RPS6KC1: variants seen among roughly 807,000 people sequenced by gnomAD.
RPS6KC1 encodes inactive ribosomal protein S6 kinase delta-1.
In RPS6KC1, 54 loss-of-function variants were observed where a neutral mutation model predicts 103.8. The observed-to-expected ratio is 0.52, with a 90% CI of 0.42 to 0.65. RPS6KC1 has a LOEUF of 0.65. Among genes scored for constraint, RPS6KC1 ranks in the 30% least tolerant of loss-of-function variants. The probability of loss-of-function intolerance (pLI) is 0.00; values close to 1 mark genes in which losing one functional copy is unlikely to be tolerated. For synonymous variants in RPS6KC1, 439 were observed against 438.7 expected (o/e 1.00, Z -0.01); for missense variants, 1,151 against 1,253.8 (o/e 0.92, Z 1.24).
the RPS6KC1 span, among the ~76,000 whole-genome samples, chr1:213,832,095 T>C: frequency 1.3e-5 from 2 of 152,212 alleles, no homozygotes; most frequent in Non-Finnish European, 2.9e-5. Context: ...GTCTTCTTCA[T>C]AGTCAAAAAT....
the RPS6KC1 span, among the ~76,000 whole-genome samples, chr1:213,360,126 C>G: frequency 6.6e-6 from 1 of 152,182 alleles, no homozygotes; most frequent in Admixed American, 6.5e-5. Flanking sequence ...TGGGGAAGTT[C>G]TCCTGTATAA....
chr1:213,773,549 C>G, the RPS6KC1 span, among the ~76,000 whole-genome samples: 1 of 148,250 alleles, frequency 6.7e-6, no homozygotes, highest in Admixed American at 6.8e-5. Flanking sequence ...ATATATATCT[C>G]TATATATGTT....
At chr1:213,189,083 A>C (rs373251732) in intron 8 of RPS6KC1, among the ~76,000 whole-genome samples, 2 of 152,164 alleles carry the variant, frequency 1.3e-5, no homozygotes, top group South Asian at 2.1e-4. Context: ...CATAGGTTCA[A>C]ATCAGTATAA....
chr1:213,520,424 A>G, the RPS6KC1 span, among the ~76,000 whole-genome samples: 135,874 of 152,110 alleles, frequency 0.89, 60,791 homozygotes, highest in East Asian at 0.98. Flanking sequence ...GTCTCCCACC[A>G]GGTCCCTCCC....
the RPS6KC1 span, among the ~76,000 whole-genome samples, chr1:213,766,256 A>G: frequency 6.6e-6 from 1 of 152,220 alleles, no homozygotes; most frequent in African/African-American, 2.4e-5. Context: ...TCTTAAAAAC[A>G]TGCAATTTTT....
At chr1:213,665,174 TAA>T in the RPS6KC1 span, among the ~76,000 whole-genome samples, 1 of 151,102 alleles carries the variant, frequency 6.6e-6, no homozygotes, top group Non-Finnish European at 1.5e-5. Flanking sequence ...AACATCTTAA[TAA>T]ATAAAACTGT....
the RPS6KC1 span, among the ~76,000 whole-genome samples, chr1:213,378,508 A>T: frequency 6.6e-6 from 1 of 152,178 alleles, no homozygotes; most frequent in African/African-American, 2.4e-5. Context: ...GTGCTCCCTG[A>T]GCAGAGGGCA....
At chr1:213,558,451 G>T in the RPS6KC1 span, among the ~76,000 whole-genome samples, 2 of 152,104 alleles carry the variant, frequency 1.3e-5, no homozygotes, top group East Asian at 1.9e-4. Context: ...GGGGTACGGG[G>T]CCAAAACATG....
the RPS6KC1 span, among the ~76,000 whole-genome samples, chr1:213,600,521 G>T: frequency 6.6e-6 from 1 of 152,140 alleles, no homozygotes; most frequent in African/African-American, 2.4e-5. Context: ...CCTTCCCTGA[G>T]CCCATTTCCC....
At chr1:213,237,814 A>G (rs1159450855) in intron 10 of RPS6KC1, among the ~76,000 whole-genome samples, 2 of 152,156 alleles carry the variant, frequency 1.3e-5, no homozygotes, top group African/African-American at 4.8e-5. Flanking sequence ...AAAAAGACTT[A>G]GAAAAGTATC....
the RPS6KC1 span, among the ~76,000 whole-genome samples, chr1:213,728,007 G>C: frequency 6.6e-6 from 1 of 152,148 alleles, no homozygotes; most frequent in Non-Finnish European, 1.5e-5. Flanking sequence ...AAAGGGAAGA[G>C]AGTCACAGGG....
chr1:213,340,322 G>A, the RPS6KC1 span, among the ~76,000 whole-genome samples: 3 of 152,178 alleles, frequency 2.0e-5, no homozygotes, highest in African/African-American at 7.2e-5. Flanking sequence ...CTTTGCTGCC[G>A]GATTGGGTTG....
At chr1:213,736,200 A>G in the RPS6KC1 span, among the ~76,000 whole-genome samples, 1 of 152,180 alleles carries the variant, frequency 6.6e-6, no homozygotes, top group Non-Finnish European at 1.5e-5. Flanking sequence ...CGCATTTATT[A>G]TCTCAGTTTC....
chr1:213,211,983 G>A lies in RPS6KC1; in HGVS notation c.1045-18514G>A, dbSNP rs533514410. On this transcript the variant is annotated intron_variant, in intron 8 of 14. Coordinates refer to ENST00000366960, the MANE Select transcript of RPS6KC1 (RefSeq NM_012424.6). ...TGAGAGAGAGACAGAGTTTTTCCAT[G>A]TGCCCCCTTGACCCCACCCTTGCAT... Among the ~76,000 whole-genome samples, 33 of 152,202 alleles carry A rather than the reference G, an allele frequency of 2.2e-4. No homozygotes were observed. The South Asian group carries it at 5.6e-3, about 26-fold the overall frequency.
chr1:213,141,010 C>A (rs920066159), intron 6 of RPS6KC1, among the ~76,000 whole-genome samples: 18 of 151,684 alleles, frequency 1.2e-4, no homozygotes, highest in African/African-American at 4.1e-4. Context: ...GATTCTCTTG[C>A]CTCAACCTCC....
the RPS6KC1 span, among the ~76,000 whole-genome samples, chr1:213,303,236 G>A: frequency 1.1e-3 from 167 of 152,308 alleles, no homozygotes; most frequent in African/African-American, 3.5e-3. Context: ...CAGGATGAGC[G>A]GGGAGAGGAG....
intron 5 of RPS6KC1, among the ~76,000 whole-genome samples, chr1:213,124,134 C>T (rs948634344): frequency 6.6e-6 from 1 of 152,158 alleles, no homozygotes; most frequent in Non-Finnish European, 1.5e-5. Flanking sequence ...ACCTGGGGCC[C>T]TCTAATAGCC....
intron 7 of RPS6KC1, among the ~76,000 whole-genome samples, chr1:213,171,379 A>G (rs2091464981): frequency 6.6e-6 from 1 of 151,730 alleles, no homozygotes; most frequent in African/African-American, 2.4e-5. Flanking sequence ...TAAATCCTAG[A>G]CAACGTTGAA....
chr1:213,590,327 A>G, the RPS6KC1 span, among the ~76,000 whole-genome samples: 3 of 152,178 alleles, frequency 2.0e-5, no homozygotes, highest in African/African-American at 7.2e-5. Flanking sequence ...TCCTGGATGA[A>G]GGTGGAAGCC....
Sources: allele counts gnomAD v4.1 joint callset (sites outside exome capture counted in the v4.1 genomes callset), GRCh38; gene constraint gnomAD v4.1.1; transcripts MANE v1.5; gene names NCBI Gene and HGNC (gene_info 2026-07-23, HGNC 2026-07-21).